Variants in NTAN1 observed in about 807,000 individuals in gnomAD.
NTAN1 encodes the protein protein N-terminal asparagine amidohydrolase.
Under a neutral mutation model 41.9 loss-of-function variants are expected in NTAN1, and 32 were observed. The observed-to-expected ratio is 0.76, with a 90% CI of 0.58 to 1.03. The LOEUF is 1.03. Ranked by LOEUF, NTAN1 falls within the 50% of genes least tolerant of loss-of-function variation. The pLI is 0.00. For synonymous variants in NTAN1, 140 were observed against 139.5 expected (o/e 1.00, Z -0.03); for missense variants, 377 against 377.5 (o/e 1.00, Z 0.01).
chr16:15,048,869 C>T (rs143374664), intron 1 of NTAN1, among the ~76,000 whole-genome samples: 466 of 149,074 alleles, frequency 3.1e-3, no homozygotes, highest in Middle Eastern at 0.011. Context: ...AGCAATCCAC[C>T]CACCCTGGCC....
At chr16:15,052,334 G>T (rs2044324759) in intron 1 of NTAN1, among the ~76,000 whole-genome samples, 1 of 152,114 alleles carries the variant, frequency 6.6e-6, no homozygotes, top group Non-Finnish European at 1.5e-5. Context: ...GAAATATAAA[G>T]ACCATTCTTG....
In NTAN1 at chr16:15,047,458, G is replaced by A. The variant is rs1181481101; in HGVS notation, c.343C>T (p.His115Tyr). The A allele has an allele frequency of 6.2e-7, 1 of 1,606,254 alleles. No individual in the cohort carries two copies. The highest frequency in any genetic ancestry group is 1.1e-5 in the South Asian group (1 of 90,934). The change falls in exon 4 of 10, where the codon CAC becomes TAC. Residue 115 changes from histidine to tyrosine, a missense_variant. Transcript: ENST00000287706. ...IMNSIKSFSD[H>Y]AQCGRLEVHL... Reference sequence around the variant, plus strand: ...AGATCTCACCTTCCACATTGAGCGTGGTCAGAAAAGGATTTTATGGAGTTC... The same window carrying A: ...AGATCTCACCTTCCACATTGAGCGTAGTCAGAAAAGGATTTTATGGAGTTC...
chr16:15,053,818 G>T (rs7404621), intron 1 of NTAN1, among the ~76,000 whole-genome samples: 109,040 of 152,074 alleles, frequency 0.72, 41,216 homozygotes, highest in Admixed American at 0.84. Context: ...GGCTGAGGCA[G>T]GAGAATCGCT....
chr16:15,044,223 C>T (rs1423698667), intron 5 of NTAN1, 111 bp downstream of exon 5: 8 of 706,594 alleles, frequency 1.1e-5, no homozygotes, highest in Non-Finnish European at 1.8e-5. Context: ...TGTGCTGCTC[C>T]AAGTGGGTGT....
intron 1 of NTAN1, among the ~76,000 whole-genome samples, chr16:15,050,136 CAAT>C (rs1343813467): frequency 1.3e-5 from 2 of 152,054 alleles, no homozygotes; most frequent in Non-Finnish European, 2.9e-5. Flanking sequence ...TACTAAGTGT[CAAT>C]AATCTGAGTG....
chr16:15,044,619 T>G, intron 4 of NTAN1: 1 of 589,876 alleles, frequency 1.7e-6, no homozygotes, highest in East Asian at 2.8e-5. Context: ...CCCTGATGAC[T>G]GAGGGGATCC....
At chr16:15,047,402 C>T (rs1408898841) in intron 4 of NTAN1, 40 bp downstream of exon 4, 1 of 1,329,006 alleles carries the variant, frequency 7.5e-7, no homozygotes, top group South Asian at 1.2e-5. Context: ...GCGACGGTTC[C>T]AAGATCTCAA....
chr16:15,038,762 C>G, intron 8 of NTAN1, 75 bp from the exon 9 acceptor site: 1 of 740,766 alleles, frequency 1.3e-6, no homozygotes, highest in South Asian at 1.6e-5. Flanking sequence ...AACGCAAGCT[C>G]CAGTGTAGTC....
intron 7 of NTAN1, chr16:15,040,267 G>C (rs970167045): frequency 2.7e-5 from 12 of 436,636 alleles, no homozygotes; most frequent in Non-Finnish European, 4.4e-5. Context: ...GCTGAGGCTC[G>C]AGCTGGACTC....
chr16:15,044,652 C>G (rs1411204982), intron 4 of NTAN1: 1 of 553,118 alleles, frequency 1.8e-6, no homozygotes, highest in East Asian at 3.0e-5. Flanking sequence ...AAATGTGATG[C>G]CGCCTCCATG....
At position 15,047,857 on chromosome 16, in the gene NTAN1, G is replaced by T; in HGVS notation, c.248C>A (p.Thr83Lys). The T allele has an allele frequency of 6.2e-7, 1 of 1,610,452 alleles. No individual in the cohort carries two copies. The highest frequency in any genetic ancestry group is 8.5e-7 in the Non-Finnish European group (1 of 1,176,592). Residue 83 changes from threonine to lysine, a missense_variant and splice_region_variant, in exon 3 of 10, where the codon ACA (threonine) becomes AAA (lysine). Coordinates refer to ENST00000287706, the MANE Select transcript of NTAN1 (RefSeq NM_173474.4). ...TTCCTTCACCTCTCTCATCATACCT[G>T]TGTGCCTCAGGACCACAATGTGACA... is the stretch of plus-strand genomic sequence containing the variant. ...TTCHIVVLRH[T>K]GNGATCLTHC...
At chr16:15,041,734 A>G in intron 5 of NTAN1, 58 bp from the exon 6 acceptor site, 1 of 1,282,170 alleles carries the variant, frequency 7.8e-7, no homozygotes, top group Non-Finnish European at 1.1e-6. Flanking sequence ...ACCAGAACAA[A>G]CTGCTGAGCA....
chr16:15,040,105 A>C, intron 7 of NTAN1, 39 bp from the exon 8 acceptor site: 4 of 1,170,552 alleles, frequency 3.4e-6, no homozygotes, highest in Non-Finnish European at 5.1e-6. Context: ...TTGACAAAAG[A>C]CCAAAGCGGA....
At position 15,048,109 on chromosome 16, in the gene NTAN1, T is replaced by TA. The variant is rs529569319; in HGVS notation, c.82-11dup. ...GAAGTCTGGCTCTTTCCTGTTTAAT[T>TA]AAAAAAAAAATAAAATAGTGATGTA... On this transcript the variant is annotated splice_polypyrimidine_tract_variant and intron_variant, in intron 1 of 9. Transcript: ENST00000287706. The TA allele has an allele frequency of 2.3e-3, 3,212 of 1,423,876 alleles. 4 individuals carry two copies. The highest frequency in any genetic ancestry group is 0.011 in the Middle Eastern group (61 of 5,418). 88.2% of individuals were successfully genotyped at this position (1,423,876 alleles called of 1,614,324 possible).
In NTAN1 at chr16:15,048,047, C is replaced by T. The variant is rs369316344; in HGVS notation, c.134G>A (p.Gly45Asp). 3.7e-6 allele frequency: 6 copies of T among 1,613,452 alleles called. No homozygotes were observed. Among genetic ancestry groups the T allele is most frequent in the Non-Finnish European group, 5.1e-6 (6 of 1,179,524 alleles). Residue 45 changes from glycine to aspartate, a missense_variant, in exon 2 of 10, where the codon GGC becomes GAC. By Grantham distance (94) the Gly-to-Asp change is moderately conservative (BLOSUM62 -1). Coordinates refer to ENST00000287706, the MANE Select transcript of NTAN1 (RefSeq NM_173474.4). ...CTCTCTTTGCTGAACATACAGAAGG[C>T]CCTGGGGTCCCACTTGTTGAACAGA... ...GQSVQQVGPQ[G>D]LLYVQQRELA...
chr16:15,041,885 T>C (rs898810091), intron 5 of NTAN1, among the ~76,000 whole-genome samples: 25 of 152,178 alleles, frequency 1.6e-4, no homozygotes, highest in Non-Finnish European at 3.7e-4. Flanking sequence ...GATGGCCACA[T>C]TCTCAGCCTC....
chr16:15,041,776 G>A (rs2043826517), intron 5 of NTAN1, 100 bp from the exon 6 acceptor site: 1 of 854,122 alleles, frequency 1.2e-6, no homozygotes, highest in Admixed American at 1.7e-5. Flanking sequence ...GCAGCCAACT[G>A]AGTGTGCTCC....
In NTAN1 at chr16:15,044,409, T is replaced by C. The variant is rs1567761090; in HGVS notation, c.360-2A>G. On this transcript the variant is annotated splice_acceptor_variant, in intron 4 of 9. Coordinates refer to ENST00000287706, the MANE Select transcript of NTAN1 (RefSeq NM_173474.4). LOFTEE classifies it high-confidence loss of function. ...CCTCCAACAAGGTGTACTTCCAGCC[T>C]GGCAAAGAGATGAGACGGGTCAGAG... 6.2e-7 allele frequency: 1 copy of C among 1,611,068 alleles called. No homozygotes were observed. Among genetic ancestry groups the C allele is most frequent in the East Asian group, 2.2e-5 (1 of 44,872 alleles).
At chr16:15,039,445 A>G (rs1349246067) in intron 8 of NTAN1, among the ~76,000 whole-genome samples, 3 of 152,218 alleles carry the variant, frequency 2.0e-5, no homozygotes, top group Non-Finnish European at 4.4e-5. Context: ...CTCAAATGGC[A>G]TATAAACCTT....
Sources: gnomAD v4.1 joint callset for allele counts (sites outside exome capture counted in the v4.1 genomes callset) on GRCh38, gnomAD v4.1.1 for gene constraint, MANE v1.5 for transcripts, NCBI Gene and HGNC (gene_info 2026-07-23, HGNC 2026-07-21) for gene names.